The following TRABD2B variants were observed in gnomAD, a reference collection of about 807,000 sequenced individuals.
The protein encoded by TRABD2B is TraB domain containing 2B.
Under a neutral mutation model 40.1 loss-of-function variants are expected in TRABD2B, and 14 were observed. The ratio of observed to expected loss-of-function variants is 0.35; its 90% confidence interval spans 0.23 to 0.55. TRABD2B has a LOEUF of 0.55. Among genes scored for constraint, TRABD2B ranks in the 20% least tolerant of loss-of-function variants. TRABD2B has a pLI of 0.90. For missense variants in TRABD2B, 541 were observed against 648.6 expected, an observed-to-expected ratio of 0.83 and a Z score of 1.80; for synonymous variants, 263 against 277.0, an observed-to-expected ratio of 0.95 and a Z score of 0.50.
At chr1:47,854,543 C>T (rs1375605293) in intron 2 of TRABD2B, among the ~76,000 whole-genome samples, 2 of 151,892 alleles carry the variant, frequency 1.3e-5, no homozygotes, top group Non-Finnish European at 2.9e-5. Flanking sequence ...TCATAGTCCT[C>T]TGTGATTTGA....
intron 4 of TRABD2B, among the ~76,000 whole-genome samples, chr1:47,787,120 G>A (rs1374838943): frequency 6.6e-6 from 1 of 152,198 alleles, no homozygotes; most frequent in Non-Finnish European, 1.5e-5. Flanking sequence ...GAACCATGAT[G>A]GGGAAGGAGG....
chr1:47,944,011 A>G (rs1021230212), intron 2 of TRABD2B, among the ~76,000 whole-genome samples: 1 of 152,232 alleles, frequency 6.6e-6, no homozygotes, highest in Non-Finnish European at 1.5e-5. Context: ...GCAACCTAAT[A>G]TATGCTATGC....
intron 2 of TRABD2B, among the ~76,000 whole-genome samples, chr1:47,802,584 C>T (rs929123306): frequency 2.6e-5 from 4 of 152,168 alleles, no homozygotes; most frequent in Admixed American, 6.5e-5. Context: ...TACAGAAAGT[C>T]AGGAGGCTGT....
chr1:47,994,022 C>A lies in TRABD2B; in HGVS notation c.666+12G>T. 1 of 1,531,110 alleles carries A rather than the reference C, an allele frequency of 6.5e-7. No homozygotes were observed. Among genetic ancestry groups the A allele is most frequent in the Admixed American group, 2.0e-5 (1 of 50,828 alleles). 94.8% of individuals were successfully genotyped at this position (1,531,110 alleles called of 1,614,324 possible). The stretch of plus-strand genomic sequence containing the variant: ...GGGCTGTCAGCTCCGGGCTGGGGCA[C>A]TGCATGCCTACCTGGGAGAAGTTGA... On this transcript the variant is annotated intron_variant, in intron 2 of 6. Coordinates refer to ENST00000606738, the MANE Select transcript of TRABD2B (RefSeq NM_001194986.2). The surrounding 1 kb of genome is among the most constrained non-coding windows in gnomAD (Gnocchi z 6.7).
At chr1:47,947,326 A>T (rs142916441) in intron 2 of TRABD2B, among the ~76,000 whole-genome samples, 1 of 152,210 alleles carries the variant, frequency 6.6e-6, no homozygotes, top group African/African-American at 2.4e-5. Flanking sequence ...GTTAACAGCA[A>T]GGAAATTAAG....
intron 2 of TRABD2B, among the ~76,000 whole-genome samples, chr1:47,897,181 G>T (rs1644534084): frequency 6.6e-6 from 1 of 152,172 alleles, no homozygotes; most frequent in Non-Finnish European, 1.5e-5. Context: ...TCATTGAGAA[G>T]GTGACATTTG....
intron 2 of TRABD2B, among the ~76,000 whole-genome samples, chr1:47,868,822 T>C (rs932666353): frequency 4.6e-5 from 7 of 152,144 alleles, no homozygotes; most frequent in Non-Finnish European, 8.8e-5. Context: ...CCTAGAAACA[T>C]AAAGGAATTT....
At chr1:47,869,557 T>A (rs1016886949) in intron 2 of TRABD2B, among the ~76,000 whole-genome samples, 2 of 152,174 alleles carry the variant, frequency 1.3e-5, no homozygotes, top group African/African-American at 4.8e-5. Context: ...GTTCAGAGAT[T>A]CAGCATGGGG....
intron 2 of TRABD2B, among the ~76,000 whole-genome samples, chr1:47,924,814 C>G (rs1411310325): frequency 6.6e-6 from 1 of 152,192 alleles, no homozygotes; most frequent in African/African-American, 2.4e-5. Context: ...AGGACCGGTG[C>G]TCCCGCTGGC....
intron 4 of TRABD2B, among the ~76,000 whole-genome samples, chr1:47,789,436 C>T (rs1445064006): frequency 2.1e-4 from 32 of 152,160 alleles, no homozygotes; most frequent in Non-Finnish European, 2.9e-5. Flanking sequence ...CTCTGCTGGG[C>T]TCTGATGCGA....
intron 2 of TRABD2B, 135 bp downstream of exon 2, chr1:47,993,899 A>C: frequency 1.1e-6 from 1 of 893,072 alleles, no homozygotes; most frequent in Admixed American, 2.8e-5. Context: ...CTCGCTGCCC[A>C]GCAGAACCTC....
intron 2 of TRABD2B, among the ~76,000 whole-genome samples, chr1:47,973,879 C>T (rs1320132730): frequency 6.6e-6 from 1 of 152,122 alleles, no homozygotes; most frequent in Non-Finnish European, 1.5e-5. Flanking sequence ...TGGGGTGGGC[C>T]AATAGCTTGA....
intron 2 of TRABD2B, among the ~76,000 whole-genome samples, chr1:47,988,670 G>A (rs1645956298): frequency 6.6e-6 from 1 of 152,166 alleles, no homozygotes; most frequent in Non-Finnish European, 1.5e-5. Flanking sequence ...AGATAACTCA[G>A]GCTCAAAATT....
At chr1:47,967,371 ACAG>A (rs1645619274) in intron 2 of TRABD2B, among the ~76,000 whole-genome samples, 1 of 147,222 alleles carries the variant, frequency 6.8e-6, no homozygotes. Flanking sequence ...ACACACACAC[ACAG>A]CAATACTTCG....
chr1:47,826,865 G>A (rs8179276), intron 2 of TRABD2B, among the ~76,000 whole-genome samples: 102,926 of 151,680 alleles, frequency 0.68, 35,234 homozygotes, highest in South Asian at 0.83. Context: ...GAGCTACTGC[G>A]CCCGGCCTAG....
At position 47,873,521 on chromosome 1, in the gene TRABD2B, G is replaced by A. The variant is rs1286694835; in HGVS notation, c.667-71902C>T. Reference sequence around the variant, plus strand: ...CAGACAGCATGTGGCTGGGGCGAGGGCGTGTGCTACACAGAGCAAGCTCAC... The same window carrying A: ...CAGACAGCATGTGGCTGGGGCGAGGACGTGTGCTACACAGAGCAAGCTCAC... On this transcript the variant is annotated intron_variant, in intron 2 of 6. Transcript: ENST00000606738. Among the ~76,000 whole-genome samples, 5 of 152,328 alleles carry A rather than the reference G, an allele frequency of 3.3e-5. No homozygotes were observed. In the Middle Eastern group the frequency reaches 0.01, roughly 311 times the overall value.
chr1:47,841,375 T>G (rs1054258575), intron 2 of TRABD2B, among the ~76,000 whole-genome samples: 2 of 152,248 alleles, frequency 1.3e-5, no homozygotes, highest in Non-Finnish European at 2.9e-5. Context: ...CCTGCTCCCC[T>G]GGATACAAGG....
intron 2 of TRABD2B, among the ~76,000 whole-genome samples, chr1:47,884,676 C>T (rs944191439): frequency 2.0e-5 from 3 of 152,032 alleles, no homozygotes; most frequent in Admixed American, 2.0e-4. Flanking sequence ...TGCAGTGTTG[C>T]GATCTCGGCT....
intron 2 of TRABD2B, among the ~76,000 whole-genome samples, chr1:47,846,535 C>T (rs1177285554): frequency 6.6e-6 from 1 of 152,140 alleles, no homozygotes; most frequent in African/African-American, 2.4e-5. Context: ...TTGATTGTGA[C>T]CCTCACGTCT....
Sources: gnomAD v4.1 joint callset for allele counts (sites outside exome capture counted in the v4.1 genomes callset) on GRCh38, gnomAD v4.1.1 for gene constraint, Gnocchi (gnomAD v3.1) non-coding constraint, MANE v1.5 for transcripts, NCBI Gene and HGNC (gene_info 2026-07-23, HGNC 2026-07-21) for gene names.